Variants in RNF111 observed in about 807,000 individuals in gnomAD.
RNF111 encodes E3 ubiquitin-protein ligase Arkadia.
In RNF111, 17 loss-of-function variants were observed where a neutral mutation model predicts 95.1. That is an observed-to-expected ratio of 0.18 (90% CI 0.12 to 0.27). The LOEUF (loss-of-function observed/expected upper bound fraction) is 0.27. Among genes scored for constraint, RNF111 ranks in the 10% least tolerant of loss-of-function variants. RNF111 has a pLI of 1.00. For synonymous variants in RNF111, 440 were observed against 414.8 expected (o/e 1.06, Z -0.74); for missense variants, 1,189 against 1,210.4 (o/e 0.98, Z 0.26).
chr15:59,014,390 C>CTA (rs1207881840), intron 1 of RNF111, among the ~76,000 whole-genome samples: 3 of 152,182 alleles, frequency 2.0e-5, no homozygotes, highest in Non-Finnish European at 4.4e-5. Context: ...TCCTCAGTTC[C>CTA]TATGCAGAAT....
chr15:58,998,785 G>A (rs1224122897), intron 1 of RNF111, among the ~76,000 whole-genome samples: 1 of 152,138 alleles, frequency 6.6e-6, no homozygotes, highest in African/African-American at 2.4e-5. Context: ...AGTTTCTCAG[G>A]ACTTTGCAAT....
chr15:59,014,109 G>T (rs777270846), intron 1 of RNF111, among the ~76,000 whole-genome samples: 1 of 152,060 alleles, frequency 6.6e-6, no homozygotes, highest in Non-Finnish European at 1.5e-5. Context: ...AAATTTTGGA[G>T]TAGAATTAAT....
intron 1 of RNF111, among the ~76,000 whole-genome samples, chr15:59,011,246 G>A (rs763895659): frequency 7.2e-5 from 11 of 152,018 alleles, no homozygotes; most frequent in Non-Finnish European, 1.2e-4. Context: ...CTTCAGAATC[G>A]GATTAGATTC....
intron 8 of RNF111, 81 bp from the exon 9 acceptor site, chr15:59,084,048 G>C: frequency 7.5e-7 from 1 of 1,329,762 alleles, no homozygotes. Context: ...ATTAATACTA[G>C]GGATTTTTTT....
intron 2 of RNF111, among the ~76,000 whole-genome samples, chr15:59,044,190 C>T (rs1244631388): frequency 6.6e-6 from 1 of 152,122 alleles, no homozygotes; most frequent in Non-Finnish European, 1.5e-5. Flanking sequence ...ATCACCATGC[C>T]CAGCTCATTT....
At chr15:59,061,695 T>G (rs576170669) in intron 5 of RNF111, among the ~76,000 whole-genome samples, 95 of 152,310 alleles carry the variant, frequency 6.2e-4, no homozygotes, top group African/African-American at 2.1e-3. Context: ...TATCCTTTCC[T>G]TTGTCCTTAA....
At position 59,058,351 on chromosome 15, in the gene RNF111, TG is replaced by T. The variant is rs1359122828; in HGVS notation, c.1172-4del. 6 of 1,613,020 alleles carry T rather than the reference TG, an allele frequency of 3.7e-6. No homozygotes were observed. The Admixed American group carries it at 1.0e-4, about 27-fold the overall frequency. Reference sequence around the variant, plus strand: ...AATGCTAAGTTGACATTTTGTATTTTGTAGAACCTACTGTAGTACCAACCAC... The same window carrying T: ...AATGCTAAGTTGACATTTTGTATTTTTAGAACCTACTGTAGTACCAACCAC... On this transcript the variant is annotated splice_region_variant and splice_polypyrimidine_tract_variant and intron_variant, in intron 4 of 13. Transcript: ENST00000348370.
intron 1 of RNF111, among the ~76,000 whole-genome samples, chr15:58,998,618 G>A (rs2039187310): frequency 6.6e-6 from 1 of 152,198 alleles, no homozygotes; most frequent in Admixed American, 6.5e-5. Context: ...GTAGTTGTGT[G>A]AACTTGGATA....
At chr15:59,043,426 G>T (rs2041562597) in intron 2 of RNF111, among the ~76,000 whole-genome samples, 1 of 152,118 alleles carries the variant, frequency 6.6e-6, no homozygotes, top group African/African-American at 2.4e-5. Flanking sequence ...CAAAGTGCTG[G>T]GCTTGCAGGT....
At chr15:59,089,007 T>G (rs544622250) in intron 10 of RNF111, among the ~76,000 whole-genome samples, 1 of 152,138 alleles carries the variant, frequency 6.6e-6, no homozygotes, top group South Asian at 2.1e-4. Flanking sequence ...AGACACTGGT[T>G]TATAGTAGGA....
chr15:59,066,830 C>A lies in RNF111; in HGVS notation c.1433C>A (p.Pro478His). The A allele has an allele frequency of 6.2e-7, 1 of 1,614,028 alleles. No individual in the cohort carries two copies. Among genetic ancestry groups the A allele is most frequent in the East Asian group, 2.2e-5 (1 of 44,866 alleles). ...ETGPPAMPRL[P>H]SCCPQHSPCG... ...GGCCCTCCTGCAATGCCAAGGTTAC[C>A]TTCCTGCTGTCCCCAGCACTCACCA... Residue 478 changes from proline (P) to histidine (H), a missense_variant, in exon 6 of 14, where the codon CCT becomes CAT. Pro to His is a moderately conservative substitution (Grantham distance 77). Around this residue, in one of 2 missense-constraint regions of RNF111, gnomAD observed 1,024 missense variants for 925.9 expected, o/e 1.11. Coordinates refer to ENST00000348370, the MANE Select transcript of RNF111 (RefSeq NM_017610.8).
chr15:59,007,177 A>G (rs1269942177), intron 1 of RNF111, among the ~76,000 whole-genome samples: 1 of 152,146 alleles, frequency 6.6e-6, no homozygotes, highest in Non-Finnish European at 1.5e-5. Flanking sequence ...TTATGAAGGT[A>G]TTGAACACGA....
Position 59,019,139 on chromosome 15 carries a change from A to T in RNF111, c.-19-11665A>T, listed in dbSNP as rs529154175. On this transcript the variant is annotated intron_variant, in intron 1 of 13. Transcript: ENST00000348370. ...TTTTTTTTTGTAGAGGTGAGGTTTC[A>T]TGTTGCCCAGGGTGGTTTTGAACCC... 1.2e-4 allele frequency among the ~76,000 whole-genome samples: 17 copies of T among 139,766 alleles called. No individual in the cohort carries two copies. The East Asian group carries it at 2.1e-3, about 17-fold the overall frequency. 91.7% of individuals were successfully genotyped at this position (139,766 alleles called of 152,430 possible).
At chr15:59,040,942 A>G (rs1326732083) in intron 2 of RNF111, among the ~76,000 whole-genome samples, 1 of 152,178 alleles carries the variant, frequency 6.6e-6, no homozygotes, top group Non-Finnish European at 1.5e-5. Flanking sequence ...ACTTTAAAAC[A>G]AGATATACTC....
Position 59,030,900 on chromosome 15 carries a change from A to T in RNF111, c.78A>T (p.Ala26=), listed in dbSNP as rs1255754826. The change falls in exon 2 of 14, where the codon GCA becomes GCT. Residue 26 remains alanine, a synonymous_variant. Transcript: ENST00000348370. The part of the protein sequence containing the change: ...VDMKSEIPSD[A]PKTQESLKGI... ...TGAAGAGTGAGATTCCTTCTGATGC[A>T]CCAAAGACACAGGAGAGTCTGAAAG... is the stretch of plus-strand genomic sequence containing the variant. The T allele has an allele frequency of 1.2e-6, 2 of 1,614,210 alleles. No individual in the cohort carries two copies. Among genetic ancestry groups the T allele is most frequent in the Non-Finnish European group, 1.7e-6 (2 of 1,180,024 alleles).
intron 11 of RNF111, among the ~76,000 whole-genome samples, chr15:59,090,014 T>C (rs951428678): frequency 4.6e-5 from 7 of 152,168 alleles, no homozygotes; most frequent in South Asian, 2.1e-4. Flanking sequence ...ATTAAATCAA[T>C]ATAAATGTCA....
At chr15:59,000,431 A>G (rs1440653811) in intron 1 of RNF111, among the ~76,000 whole-genome samples, 2 of 151,842 alleles carry the variant, frequency 1.3e-5, no homozygotes, top group Non-Finnish European at 2.9e-5. Context: ...GGACCTCAGG[A>G]CCGGGCCTGG....
chr15:59,008,404 A>T (rs917198238), intron 1 of RNF111, among the ~76,000 whole-genome samples: 1 of 151,940 alleles, frequency 6.6e-6, no homozygotes, highest in Non-Finnish European at 1.5e-5. Flanking sequence ...TTTTTTGTAG[A>T]GACAGGGTCT....
intron 1 of RNF111, chr15:59,004,310 G>A: frequency 4.6e-6 from 1 of 217,946 alleles, no homozygotes; most frequent in Non-Finnish European, 8.5e-6. Flanking sequence ...TTGCTGTTTA[G>A]GTTTACTGAA....
Sources: allele counts gnomAD v4.1 joint callset (sites outside exome capture counted in the v4.1 genomes callset), GRCh38; gene constraint gnomAD v4.1.1; regional missense constraint gnomAD v4.1.1; transcripts MANE v1.5; gene names NCBI Gene and HGNC (gene_info 2026-07-23, HGNC 2026-07-21).